SMTNL2: variants seen among roughly 807,000 people sequenced by gnomAD.
SMTNL2 encodes the protein smoothelin-like protein 2.
Under a neutral mutation model 44.1 loss-of-function variants are expected in SMTNL2, and 43 were observed. The ratio of observed to expected loss-of-function variants is 0.98; its 90% CI spans 0.76 to 1.26. The LOEUF is 1.26. SMTNL2 is among the 50% of genes most tolerant of loss of function. The pLI is 0.00. For missense variants in SMTNL2, 646 were observed against 670.2 expected (o/e 0.96, Z 0.40); for synonymous variants, 317 against 287.6 (o/e 1.10, Z -1.03).
chr17:4,585,080 G>C, intron 1 of SMTNL2, 76 bp downstream of exon 1: 1 of 1,258,416 alleles, frequency 7.9e-7, no homozygotes, highest in Non-Finnish European at 1.0e-6. Context: ...CGCCCCGACT[G>C]CCTGCCTCTG....
chr17:4,607,258 G>C lies in SMTNL2; in HGVS notation c.1260-103G>C. The C allele has an allele frequency of 6.4e-7, 1 of 1,555,538 alleles. No individual in the cohort carries two copies. The highest frequency in any genetic ancestry group is 8.7e-7 in the Non-Finnish European group (1 of 1,147,954). ...GGTGGGTCCTTGGGAACCTCTGGCT[G>C]CCGGCTGAGCTCTGTTCCCGGGACC... On this transcript the variant is annotated intron_variant, in intron 7 of 7. Transcript: ENST00000389313. The surrounding 1 kb of genome is among the most constrained non-coding windows in gnomAD (Gnocchi z 4.7).
rs113619944 is a variant in SMTNL2 at position 4,594,084 on chromosome 17, G to C, written c.806+187G>C. ...CAGGGGGAGTGAGGCAGTGGGCCTC[G>C]GTGGAGAGTTTCATTTGGAGAAATA... On this transcript the variant is annotated intron_variant, in intron 4 of 7. Transcript: ENST00000389313. Among the ~76,000 whole-genome samples, 563 of 152,180 alleles carry C rather than the reference G, an allele frequency of 3.7e-3. 5 individuals carry two copies. The highest frequency in any genetic ancestry group is 0.012 in the African/African-American group (508 of 41,532).
intron 4 of SMTNL2, 67 bp downstream of exon 4, chr17:4,593,964 G>A: frequency 6.4e-7 from 1 of 1,574,578 alleles, no homozygotes. Context: ...TTGGACGCAG[G>A]CCGCCCAGGG....
At chr17:4,591,115 A>G (rs989480725) in intron 1 of SMTNL2, among the ~76,000 whole-genome samples, 1 of 152,126 alleles carries the variant, frequency 6.6e-6, no homozygotes, top group African/African-American at 2.4e-5. Flanking sequence ...GGGTCAGATG[A>G]AGCCTGTGTG....
intron 1 of SMTNL2, 38 bp downstream of exon 1, chr17:4,585,042 T>G (rs1049886299): frequency 7.7e-7 from 1 of 1,296,786 alleles, no homozygotes; most frequent in African/African-American, 1.6e-5. Context: ...CGCCAGGGAG[T>G]GGGGCTCCGA....
Position 4,607,035 on chromosome 17 carries a change from G to C in SMTNL2, c.1260-326G>C, listed in dbSNP as rs1193928515. ...AGGAGATCGAGGCTGCAATAAGCTA[G>C]GATCGTGCCTCTGTACTCATGCCTG... On this transcript the variant is annotated intron_variant, in intron 7 of 7. Transcript: ENST00000389313. The surrounding 1 kb of genome is among the most constrained non-coding windows in gnomAD (Gnocchi z 4.7). Among the ~76,000 whole-genome samples the C allele has an allele frequency of 6.6e-6, 1 of 152,046 alleles. No homozygotes were observed. The highest frequency in any genetic ancestry group is 2.4e-5 in the African/African-American group (1 of 41,398).
chr17:4,588,467 C>A (rs1228935040), intron 1 of SMTNL2, among the ~76,000 whole-genome samples: 1 of 152,202 alleles, frequency 6.6e-6, no homozygotes, highest in East Asian at 1.9e-4. Context: ...GTCCCCAGCC[C>A]CAGGGCTCTC....
chr17:4,590,571 G>A (rs1426946882), intron 1 of SMTNL2, among the ~76,000 whole-genome samples: 1 of 152,084 alleles, frequency 6.6e-6, no homozygotes, highest in Non-Finnish European at 1.5e-5. Context: ...CCCTCAACAT[G>A]TCCCAACTGA....
chr17:4,601,433 A>T (rs536354851), intron 7 of SMTNL2, among the ~76,000 whole-genome samples: 1 of 151,794 alleles, frequency 6.6e-6, no homozygotes, highest in Non-Finnish European at 1.5e-5. Context: ...AAATGTAGTC[A>T]GCCCATGTTA....
chr17:4,585,033 G>T, intron 1 of SMTNL2, 29 bp downstream of exon 1: 1 of 1,303,518 alleles, frequency 7.7e-7, no homozygotes, highest in Non-Finnish European at 9.7e-7. Flanking sequence ...GTGCGCTGGC[G>T]CCAGGGAGTG....
intron 7 of SMTNL2, among the ~76,000 whole-genome samples, chr17:4,603,777 A>G (rs1310133027): frequency 6.6e-6 from 1 of 152,152 alleles, no homozygotes; most frequent in African/African-American, 2.4e-5. Context: ...AGGGCACCAG[A>G]TATGAAATGA....
At chr17:4,587,161 G>T (rs1303279451) in intron 1 of SMTNL2, among the ~76,000 whole-genome samples, 1 of 152,186 alleles carries the variant, frequency 6.6e-6, no homozygotes, top group Non-Finnish European at 1.5e-5. Flanking sequence ...GCGTCGGCCT[G>T]TTGGGGAGTG....
rs1303649940 is a variant in SMTNL2, at chr17:4,595,194, G to T, written c.856G>T (p.Ala286Ser). 6.2e-7 allele frequency: 1 copy of T among 1,613,372 alleles called. No homozygotes were observed. Among genetic ancestry groups the T allele is most frequent in the Non-Finnish European group, 8.5e-7 (1 of 1,180,028 alleles). ...GTCGCCCGTGTCCCCGCAGCCGCCA[G>T]CCATAACTCAGGTCCATCGGCAGGG... ...PQSPVSPQPP[A>S]ITQVHRQGER... The change falls in exon 5 of 8, where the codon GCC (alanine) becomes TCC (serine). Residue 286 changes from alanine to serine, a missense_variant. Ala to Ser is a moderately conservative substitution (Grantham distance 99, BLOSUM62 1). Coordinates refer to ENST00000389313, the MANE Select transcript of SMTNL2 (RefSeq NM_001114974.2). This position sits in a 1 kb window ranked among gnomAD's most constrained non-coding sequence, Gnocchi z 5.1.
chr17:4,592,873 C>T lies in SMTNL2; in HGVS notation c.488-56C>T. 4 of 1,571,044 alleles carry T rather than the reference C, an allele frequency of 2.5e-6. No individual in the cohort carries two copies. In the South Asian group the frequency reaches 4.7e-5, roughly 19 times the overall value. On this transcript the variant is annotated intron_variant, in intron 2 of 7. Transcript: ENST00000389313. The surrounding 1 kb of genome is among the most constrained non-coding windows in gnomAD (Gnocchi z 4.5). ...AGGCTAGAGCCCTCCTGGGAGGTCC[C>T]AGGCCCCTGTGGCTGCCACAGCTGA...
chr17:4,594,993 C>T (rs191339612), intron 4 of SMTNL2, 152 bp from the exon 5 acceptor site: 2 of 1,018,176 alleles, frequency 2.0e-6, no homozygotes, highest in East Asian at 5.2e-5. Flanking sequence ...CCTGTCAAAC[C>T]AGCTAGGGAC....
Position 4,584,634 on chromosome 17 carries a change from C to T in SMTNL2, c.29C>T (p.Ala10Val). ...GAGCCGGCCCCCGACGCCCAGGAGGCGCGCACTGTGCGCGAGGCGCTGGGC... is the reference window on the plus strand; with the variant it reads ...GAGCCGGCCCCCGACGCCCAGGAGGTGCGCACTGTGCGCGAGGCGCTGGGC... MEPAPDAQEARTVREALGRY... is the reference protein window; with the variant it reads MEPAPDAQEVRTVREALGRY... The change falls in exon 1 of 8, where the codon GCG (alanine) becomes GTG (valine). Residue 10 changes from alanine (A) to valine (V), a missense_variant. Ala to Val is a moderately conservative substitution (Grantham distance 64). Transcript: ENST00000389313. 1 of 1,259,568 alleles carries T rather than the reference C, an allele frequency of 7.9e-7. No homozygotes were observed. The highest frequency in any genetic ancestry group is 1.0e-6 in the Non-Finnish European group (1 of 1,004,354). The allele number at this position is 1,259,568 out of a possible 1,614,324, so 78.0% of individuals were successfully genotyped here. A position where few individuals can be genotyped will look rare whatever the true frequency, so the allele number is the denominator to read the frequency against.
At chr17:4,591,413 C>G (rs1909565499) in intron 1 of SMTNL2, among the ~76,000 whole-genome samples, 1 of 152,200 alleles carries the variant, frequency 6.6e-6, no homozygotes, top group South Asian at 2.1e-4. Context: ...GAGGGCAGGA[C>G]CAAGGTTGAG....
Position 4,598,125 on chromosome 17 carries a change from C to T in SMTNL2, c.1259+802C>T, listed in dbSNP as rs529477466. ...CGGATCTCAGCCCGTGGCCTGGGTG[C>T]GGAGGACTGTCTGATAAGAGCTGCG... is the stretch of plus-strand genomic sequence containing the variant. On this transcript the variant is annotated intron_variant, in intron 7 of 7. Coordinates refer to ENST00000389313, the MANE Select transcript of SMTNL2 (RefSeq NM_001114974.2). This position sits in a 1 kb window ranked among gnomAD's most constrained non-coding sequence, Gnocchi z 4.8. 1.3e-4 allele frequency among the ~76,000 whole-genome samples: 20 copies of T among 152,310 alleles called. No individual in the cohort carries two copies. In the South Asian group the frequency reaches 3.5e-3, roughly 27 times the overall value.
At position 4,586,569 on chromosome 17, in the gene SMTNL2, A is replaced by G. The variant is rs180786964; in HGVS notation, c.399+1565A>G. Among the ~76,000 whole-genome samples the G allele has an allele frequency of 4.0e-4, 60 of 151,754 alleles. No homozygotes were observed. In the East Asian group the frequency reaches 0.01, roughly 26 times the overall value. On this transcript the variant is annotated intron_variant, in intron 1 of 7. Coordinates refer to ENST00000389313, the MANE Select transcript of SMTNL2 (RefSeq NM_001114974.2). Reference sequence around the variant, plus strand: ...ATTCTCTCCAGTCGTGATTTTTGTCAATGGAGATTAGCCATTGTTCACTGG... The same window carrying G: ...ATTCTCTCCAGTCGTGATTTTTGTCGATGGAGATTAGCCATTGTTCACTGG...
Sources: allele counts gnomAD v4.1 joint callset (sites outside exome capture counted in the v4.1 genomes callset), GRCh38; gene constraint gnomAD v4.1.1; non-coding constraint Gnocchi (gnomAD v3.1); transcripts MANE v1.5; gene names NCBI Gene and HGNC (gene_info 2026-07-23, HGNC 2026-07-21).